WWTR1: variants seen among roughly 807,000 people sequenced by gnomAD.
The protein encoded by WWTR1 is WW domain containing transcription regulator 1.
WWTR1 carries 13 observed loss-of-function variants against 40.1 expected under a neutral mutation model. That is an observed-to-expected ratio of 0.32 (90% CI 0.21 to 0.52). The LOEUF is 0.52. WWTR1 is among the 20% of genes least tolerant of loss of function. The probability of loss-of-function intolerance (pLI) is 0.97; values close to 1 mark genes in which losing one functional copy is unlikely to be tolerated. For missense variants in WWTR1, 436 were observed against 523.1 expected (o/e 0.83, Z 1.63); for synonymous variants, 230 against 210.1 (o/e 1.09, Z -0.82).
upstream of WWTR1, among the ~76,000 whole-genome samples, chr3:149,662,775 C>CA (rs1713640953): frequency 6.6e-6 from 1 of 152,210 alleles, no homozygotes; most frequent in Non-Finnish European, 1.5e-5. Context: ...CTGCCATCTT[C>CA]ATAGCTTTCT....
intron 3 of WWTR1, among the ~76,000 whole-genome samples, chr3:149,542,828 C>T (rs1042224061): frequency 6.6e-6 from 1 of 152,118 alleles, no homozygotes; most frequent in South Asian, 2.1e-4. Context: ...ACATAGTGGT[C>T]TAAAGCAAAT....
At chr3:149,526,287 A>C (rs934701851) in intron 5 of WWTR1, among the ~76,000 whole-genome samples, 162 bp from the exon 6 acceptor site, 6 of 152,218 alleles carry the variant, frequency 3.9e-5, no homozygotes, top group African/African-American at 1.4e-4. Flanking sequence ...ACATACCCTC[A>C]TGAAAATGAA....
intron 2 of WWTR1, among the ~76,000 whole-genome samples, chr3:149,613,608 C>A (rs778477194): frequency 1.2e-4 from 19 of 152,220 alleles, no homozygotes; most frequent in Non-Finnish European, 2.2e-4. Context: ...TGCACTGGCA[C>A]AATCTTGGCT....
intron 5 of WWTR1, among the ~76,000 whole-genome samples, chr3:149,714,966 T>C (rs1715568744): frequency 6.6e-6 from 1 of 152,040 alleles, no homozygotes; most frequent in African/African-American, 2.4e-5. Flanking sequence ...GTGGGAGGAC[T>C]AGCTGCAGAG....
intron 2 of WWTR1, among the ~76,000 whole-genome samples, chr3:149,668,836 T>A (rs1007501686): frequency 1.3e-5 from 2 of 152,170 alleles, no homozygotes; most frequent in African/African-American, 2.4e-5. Flanking sequence ...GGTTTCAAAT[T>A]TTTTTTCATT....
intron 2 of WWTR1, among the ~76,000 whole-genome samples, chr3:149,633,127 G>A (rs1014704581): frequency 1.2e-4 from 19 of 152,232 alleles, no homozygotes; most frequent in Admixed American, 6.5e-4. Flanking sequence ...AGTGGCTCAC[G>A]TCTGTAATCC....
chr3:149,656,538 C>A (rs1293003048), intron 2 of WWTR1, among the ~76,000 whole-genome samples: 1 of 152,088 alleles, frequency 6.6e-6, no homozygotes, highest in African/African-American at 2.4e-5. Flanking sequence ...GACTATCTGA[C>A]TTAGAGTGGC....
At chr3:149,584,769 A>G (rs1738333961) in intron 2 of WWTR1, among the ~76,000 whole-genome samples, 1 of 152,226 alleles carries the variant, frequency 6.6e-6, no homozygotes, top group Admixed American at 6.5e-5. Flanking sequence ...TGTTTCTGCC[A>G]TTAACTGACT....
At chr3:149,524,326 GGTTTTT>G (rs1735190527) in intron 6 of WWTR1, among the ~76,000 whole-genome samples, 1 of 30,862 alleles carries the variant, frequency 3.2e-5, no homozygotes, top group Non-Finnish European at 6.3e-5. Flanking sequence ...CCTCTTTTAT[GGTTTTT>G]TTTTTTTTTT....
chr3:149,690,173 A>G (rs1175277257), intron 1 of WWTR1, among the ~76,000 whole-genome samples: 1 of 152,176 alleles, frequency 6.6e-6, no homozygotes, highest in Non-Finnish European at 1.5e-5. Flanking sequence ...ATACTACCAG[A>G]GAAAATCATT....
chr3:149,540,322 A>T, intron 4 of WWTR1: 1 of 456,118 alleles, frequency 2.2e-6, no homozygotes, highest in Non-Finnish European at 4.4e-6. Context: ...ATCCTGGTTC[A>T]AAGGCACCTA....
chr3:149,522,337 A>T (rs1735092304), intron 6 of WWTR1, among the ~76,000 whole-genome samples: 1 of 152,182 alleles, frequency 6.6e-6, no homozygotes, highest in East Asian at 1.9e-4. Context: ...TGATGAAGGA[A>T]CCATCATCCA....
rs530612169 is a variant in WWTR1, at chr3:149,565,919, ACT to A, written c.568+6943_568+6944del. 6.0e-4 allele frequency among the ~76,000 whole-genome samples: 84 copies of A among 141,124 alleles called. No homozygotes were observed. In the South Asian group the frequency reaches 0.019, roughly 32 times the overall value. 92.6% of individuals were successfully genotyped at this position (141,124 alleles called of 152,430 possible). On this transcript the variant is annotated intron_variant, in intron 3 of 6. Transcript: ENST00000360632. Reference sequence around the variant, plus strand: ...CTCCAGCCTGAGCAACAAGAGCGAAACTCTGTCTCAAAAAAAAAAAAAAAAAA... The same window carrying A: ...CTCCAGCCTGAGCAACAAGAGCGAAACTGTCTCAAAAAAAAAAAAAAAAAA...
At chr3:149,563,086 T>C (rs949713180) in intron 3 of WWTR1, among the ~76,000 whole-genome samples, 1 of 152,148 alleles carries the variant, frequency 6.6e-6, no homozygotes, top group Non-Finnish European at 1.5e-5. Context: ...GGCAAACTTT[T>C]GGAAGTCAGC....
At chr3:149,663,647 G>C (rs1023790868) in intron 2 of WWTR1, among the ~76,000 whole-genome samples, 1 of 152,128 alleles carries the variant, frequency 6.6e-6, no homozygotes, top group Non-Finnish European at 1.5e-5. Flanking sequence ...AGTGAGCCGA[G>C]ATCATGCCAT....
chr3:149,690,695 A>C (rs532857588), intron 1 of WWTR1, among the ~76,000 whole-genome samples: 23 of 152,194 alleles, frequency 1.5e-4, no homozygotes, highest in Non-Finnish European at 2.8e-4. Flanking sequence ...TGCTTTTAGC[A>C]TTGCACAGAT....
chr3:149,676,824 A>G (rs1714276228), intron 1 of WWTR1, among the ~76,000 whole-genome samples: 2 of 152,056 alleles, frequency 1.3e-5, no homozygotes, highest in Non-Finnish European at 2.9e-5. Context: ...GAAAGTCAGC[A>G]AAAGAGTCAG....
At chr3:149,716,365 A>G (rs1715607693) in intron 5 of WWTR1, among the ~76,000 whole-genome samples, 1 of 151,990 alleles carries the variant, frequency 6.6e-6, no homozygotes, top group Non-Finnish European at 1.5e-5. Context: ...CTGGGTGACA[A>G]AGGGAGACTC....
intron 2 of WWTR1, among the ~76,000 whole-genome samples, chr3:149,652,687 TGACCTAACA>T (rs1441421101): frequency 1.3e-5 from 1 of 75,326 alleles, no homozygotes; most frequent in Non-Finnish European, 2.9e-5. Context: ...TTAAAAAAGG[TGACCTAACA>T]GACAAATTTA....
Sources: allele counts gnomAD v4.1 joint callset (sites outside exome capture counted in the v4.1 genomes callset), GRCh38; gene constraint gnomAD v4.1.1; transcripts MANE v1.5; gene names NCBI Gene and HGNC (gene_info 2026-07-23, HGNC 2026-07-21).